The following SEPTIN7 variants were observed in gnomAD, a reference collection of about 807,000 sequenced individuals.
The protein encoded by SEPTIN7 is septin 7.
Under a neutral mutation model 63.3 loss-of-function variants are expected in SEPTIN7, and 10 were observed. That is an observed-to-expected ratio of 0.16 (90% CI 0.10 to 0.27). The LOEUF (loss-of-function observed/expected upper bound fraction) is 0.27. Among genes scored for constraint, SEPTIN7 ranks in the 10% least tolerant of loss-of-function variants. SEPTIN7 has a pLI of 1.00. For synonymous variants in SEPTIN7, 131 were observed against 165.3 expected, an observed-to-expected ratio of 0.79 and a Z score of 1.59; for missense variants, 310 against 521.0, an observed-to-expected ratio of 0.59 and a Z score of 3.94.
chr7:35,868,458 A>C (rs1417339773), intron 4 of SEPTIN7, among the ~76,000 whole-genome samples: 1 of 151,950 alleles, frequency 6.6e-6, no homozygotes, highest in Non-Finnish European at 1.5e-5. Flanking sequence ...TGTGGGAAAA[A>C]TATGGACAAA....
intron 11 of SEPTIN7, among the ~76,000 whole-genome samples, chr7:35,891,499 A>T (rs190625049): frequency 5.9e-5 from 9 of 152,304 alleles, no homozygotes; most frequent in Admixed American, 3.3e-4. Flanking sequence ...TTGTAACATA[A>T]TGTCAAGTAT....
chr7:35,804,398 C>G (rs1788192502), intron 1 of SEPTIN7, among the ~76,000 whole-genome samples: 1 of 152,120 alleles, frequency 6.6e-6, no homozygotes, highest in African/African-American at 2.4e-5. Context: ...GAAGAGGGGC[C>G]AAAGAGGCAG....
chr7:35,840,399 C>T (rs1240425707), intron 3 of SEPTIN7, among the ~76,000 whole-genome samples: 7 of 150,456 alleles, frequency 4.7e-5, no homozygotes, highest in Non-Finnish European at 1.0e-4. Context: ...CCTGGGACTA[C>T]AGGCACACAC....
chr7:35,866,308 T>G (rs758613323), intron 4 of SEPTIN7, among the ~76,000 whole-genome samples: 2 of 152,240 alleles, frequency 1.3e-5, no homozygotes, highest in South Asian at 4.1e-4. Context: ...TGTAATCTTT[T>G]TGATAGTTGG....
At chr7:35,912,098 A>G (rs1401139130), downstream of SEPTIN7, among the ~76,000 whole-genome samples, 1 of 152,214 alleles carries the variant, frequency 6.6e-6, no homozygotes, top group Non-Finnish European at 1.5e-5. Context: ...TCGATTTGCA[A>G]ATCAAAGAAG....
At chr7:35,911,437 C>A (rs1274049169), downstream of SEPTIN7, among the ~76,000 whole-genome samples, 3 of 12,672 alleles carry the variant, frequency 2.4e-4, no homozygotes, top group East Asian at 9.8e-3. Flanking sequence ...CAGAACTGGA[C>A]CTGGCCAGAA....
intron 12 of SEPTIN7, chr7:35,902,668 T>C (rs927504306): frequency 2.6e-5 from 4 of 153,586 alleles, no homozygotes; most frequent in African/African-American, 9.6e-5. Context: ...TCTTCCACTT[T>C]CTGGCTAGCA....
At chr7:35,890,324 A>T (rs1354958456) in intron 10 of SEPTIN7, among the ~76,000 whole-genome samples, 4 of 152,146 alleles carry the variant, frequency 2.6e-5, no homozygotes, top group African/African-American at 9.6e-5. Context: ...TATGAGCTTC[A>T]GTAGTGGCCA....
intron 7 of SEPTIN7, among the ~76,000 whole-genome samples, chr7:35,881,652 C>G (rs576425518): frequency 7.2e-5 from 11 of 151,804 alleles, no homozygotes; most frequent in African/African-American, 2.7e-4. Flanking sequence ...CTGCTGGGAA[C>G]CTTTGCCAAG....
At position 35,867,673 on chromosome 7, in the gene SEPTIN7, T is replaced by C. The variant is rs577346017; in HGVS notation, c.276+4015T>C. ...CCTGCATTTGAAAATTTTTAAATCA[T>C]ACTTCATGTCACTGAAAGGGTATCA... On this transcript the variant is annotated intron_variant, in intron 4 of 13. Coordinates refer to ENST00000350320, the MANE Select transcript of SEPTIN7 (RefSeq NM_001788.6). 2.0e-3 allele frequency among the ~76,000 whole-genome samples: 303 copies of C among 152,340 alleles called. 1 individual carries two copies. Among genetic ancestry groups the C allele is most frequent in the African/African-American group, 7.0e-3 (290 of 41,594 alleles).
At chr7:35,825,274 C>G (rs1783440397) in intron 1 of SEPTIN7, among the ~76,000 whole-genome samples, 1 of 152,208 alleles carries the variant, frequency 6.6e-6, no homozygotes, top group Non-Finnish European at 1.5e-5. Context: ...GTATGGCCAA[C>G]AAAGTCCTTC....
chr7:35,832,765 C>A (rs751764871), intron 2 of SEPTIN7, 33 bp from the exon 3 acceptor site: 18 of 1,146,228 alleles, frequency 1.6e-5, no homozygotes, highest in Non-Finnish European at 2.1e-5. Context: ...ACTGTTGATA[C>A]ATGAATAACT....
chr7:35,888,013 A>G (rs1018523523), intron 10 of SEPTIN7, among the ~76,000 whole-genome samples: 1 of 152,202 alleles, frequency 6.6e-6, no homozygotes, highest in African/African-American at 2.4e-5. Context: ...CTTGCTAATT[A>G]AGAGAACTAA....
At chr7:35,870,789 C>T (rs1786094891) in intron 4 of SEPTIN7, among the ~76,000 whole-genome samples, 1 of 147,334 alleles carries the variant, frequency 6.8e-6, no homozygotes, top group Non-Finnish European at 1.5e-5. Flanking sequence ...ATCTGCCATG[C>T]ACTCCAGCCT....
At chr7:35,854,833 T>C (rs922500796) in intron 3 of SEPTIN7, among the ~76,000 whole-genome samples, 2 of 152,014 alleles carry the variant, frequency 1.3e-5, no homozygotes, top group Admixed American at 1.3e-4. Flanking sequence ...AAAACTGATA[T>C]ACAAAGAAGA....
intron 3 of SEPTIN7, chr7:35,847,226 G>A (rs1410695292): frequency 6.4e-6 from 1 of 156,696 alleles, no homozygotes; most frequent in African/African-American, 2.4e-5. Flanking sequence ...GCATGCTGCA[G>A]AGGTAACATT....
intron 3 of SEPTIN7, among the ~76,000 whole-genome samples, chr7:35,839,844 C>A (rs889788487): frequency 3.9e-5 from 6 of 152,100 alleles, no homozygotes; most frequent in African/African-American, 1.4e-4. Flanking sequence ...TGAGCCATTG[C>A]GCCTGACCTG....
intron 1 of SEPTIN7, among the ~76,000 whole-genome samples, chr7:35,802,016 G>A (rs1384497789): frequency 6.6e-6 from 1 of 152,190 alleles, no homozygotes; most frequent in Admixed American, 6.5e-5. Flanking sequence ...TAATTTTTAG[G>A]AGTAAGGGAA....
At chr7:35,878,047 C>G (rs1398826483) in intron 6 of SEPTIN7, among the ~76,000 whole-genome samples, 1 of 152,120 alleles carries the variant, frequency 6.6e-6, no homozygotes, top group Non-Finnish European at 1.5e-5. Context: ...TGTATGGTTT[C>G]TATTCTATGC....
Sources: gnomAD v4.1 joint callset for allele counts (sites outside exome capture counted in the v4.1 genomes callset) on GRCh38, gnomAD v4.1.1 for gene constraint, MANE v1.5 for transcripts, NCBI Gene and HGNC (gene_info 2026-07-23, HGNC 2026-07-21) for gene names.